Variants in PPP2R5A observed in about 807,000 individuals in gnomAD.
PPP2R5A encodes the protein serine/threonine-protein phosphatase 2A 56 kDa regulatory subunit alpha isoform.
A neutral mutation model predicts 64.2 loss-of-function variants in PPP2R5A; 25 were observed. That is an observed-to-expected ratio of 0.39 (90% CI 0.28 to 0.54). The LOEUF is 0.54. Among genes scored for constraint, PPP2R5A ranks in the 20% least tolerant of loss-of-function variants. The pLI, the probability that PPP2R5A is intolerant of heterozygous loss-of-function variation, is 0.67. For missense variants in PPP2R5A, 425 were observed against 576.3 expected (o/e 0.74, Z 2.69); for synonymous variants, 198 against 201.2 (o/e 0.98, Z 0.13).
chr1:212,347,428 T>C, intron 6 of PPP2R5A, 22 bp downstream of exon 6: 1 of 1,523,158 alleles, frequency 6.6e-7, no homozygotes, highest in Non-Finnish European at 9.0e-7. Flanking sequence ...TTTTTTGTTC[T>C]TTTTAAGAAT....
In PPP2R5A at chr1:212,297,140, GA is replaced by G; in HGVS notation, c.181+10850del. Reference sequence around the variant, plus strand: ...TTTTTTTTTTTTTTTTTTTTTTTTGGAGACGGAGTCTCACTCTATCGCCCAG... The same window carrying G: ...TTTTTTTTTTTTTTTTTTTTTTTTGGGACGGAGTCTCACTCTATCGCCCAG... On this transcript the variant is annotated intron_variant, in intron 1 of 12. Coordinates refer to ENST00000261461, the MANE Select transcript of PPP2R5A (RefSeq NM_006243.4). Among the ~76,000 whole-genome samples the G allele has an allele frequency of 2.4e-4, 2 of 8,308 alleles. 1 individual carries two copies. Among genetic ancestry groups the G allele is most frequent in the African/African-American group, 1.2e-3 (2 of 1,664 alleles). The allele number at this position is 8,308 out of a possible 152,430, so 5.5% of individuals were successfully genotyped here.
intron 1 of PPP2R5A, chr1:212,301,800 G>A (rs1658803429): frequency 8.9e-7 from 1 of 1,124,950 alleles, no homozygotes; most frequent in South Asian, 3.2e-5. Flanking sequence ...GTATTGCTGG[G>A]TTGCTATGAT....
At position 212,348,380 on chromosome 1, in the gene PPP2R5A, T is replaced by C. The variant is rs1558153733; in HGVS notation, c.765-9T>C. ...ACTTAACCCTTCCCCTGCCTTTTTT[T>C]CCCTCCAGTATTATCAATGGCTTTG... On this transcript the variant is annotated splice_polypyrimidine_tract_variant and intron_variant, in intron 6 of 12. Coordinates refer to ENST00000261461, the MANE Select transcript of PPP2R5A (RefSeq NM_006243.4). The C allele has an allele frequency of 6.4e-7, 1 of 1,570,238 alleles. No individual in the cohort carries two copies. Among genetic ancestry groups the C allele is most frequent in the Admixed American group, 1.7e-5 (1 of 59,810 alleles).
At position 212,321,088 on chromosome 1, in the gene PPP2R5A, G is replaced by A. The variant is rs556502213; in HGVS notation, c.182-8047G>A. 6.6e-3 allele frequency among the ~76,000 whole-genome samples: 779 copies of A among 117,228 alleles called. 8 individuals carry two copies. Among genetic ancestry groups the A allele is most frequent in the East Asian group, 0.019 (62 of 3,342 alleles). The allele number at this position is 117,228 out of a possible 152,430, so 76.9% of individuals were successfully genotyped here. On this transcript the variant is annotated intron_variant, in intron 1 of 12. Transcript: ENST00000261461. ...GGGCTGACCCCCCCGCCTCCCTCCC[G>A]GACGGGGCGGCTGGCCGGGCAGAGG...
At chr1:212,286,393 G>A (rs1658500740) in intron 1 of PPP2R5A, 102 bp downstream of exon 1, 2 of 1,286,768 alleles carry the variant, frequency 1.6e-6, no homozygotes, top group Non-Finnish European at 1.0e-6. Flanking sequence ...CTGCTCAGTT[G>A]GGACTGGTAG....
At chr1:212,350,508 G>A (rs139907804) in intron 8 of PPP2R5A, among the ~76,000 whole-genome samples, 1,620 of 152,110 alleles carry the variant, frequency 0.011, 17 homozygotes, top group South Asian at 0.036. Context: ...ACAAAAATTA[G>A]CTGGGCATGG....
rs964191628 is a variant in PPP2R5A at position 212,301,768 on chromosome 1, T to C, written c.181+15477T>C. Reference sequence around the variant, plus strand: ...TCTTAAATTAGAATCTTGGATTGCATCCTCAGCGTGTCACTGTAGTGGTAT... The same window carrying C: ...TCTTAAATTAGAATCTTGGATTGCACCCTCAGCGTGTCACTGTAGTGGTAT... On this transcript the variant is annotated intron_variant, in intron 1 of 12. Coordinates refer to ENST00000261461, the MANE Select transcript of PPP2R5A (RefSeq NM_006243.4). 1.6e-5 allele frequency: 17 copies of C among 1,041,132 alleles called. No homozygotes were observed. The African/African-American group carries it at 2.5e-4, about 15-fold the overall frequency. 64.5% of individuals were successfully genotyped at this position (1,041,132 alleles called of 1,614,324 possible).
At chr1:212,345,692 G>A (rs1659764816) in intron 4 of PPP2R5A, 111 bp from the exon 5 acceptor site, 1 of 1,104,164 alleles carries the variant, frequency 9.1e-7, no homozygotes, top group African/African-American at 1.6e-5. Context: ...TGGTAAGGAA[G>A]AACTCTAAAA....
chr1:212,328,410 C>T (rs1402071502), intron 1 of PPP2R5A, among the ~76,000 whole-genome samples: 1 of 152,048 alleles, frequency 6.6e-6, no homozygotes, highest in African/African-American at 2.4e-5. Flanking sequence ...AAGGGCATTC[C>T]AGACAGAGGA....
rs1220486887 is a variant in PPP2R5A, at chr1:212,361,015, G to C, written c.*245G>C. ...CTTCTGAAGTTTCACAGAAATGAAT[G>C]AATTTTATCATCTATGATATGAGTG... On this transcript the variant is annotated 3_prime_UTR_variant, in exon 13 of 13. Transcript: ENST00000261461. The C allele has an allele frequency of 7.1e-6, 2 of 281,172 alleles. No individual in the cohort carries two copies. The highest frequency in any genetic ancestry group is 1.3e-5 in the Non-Finnish European group (2 of 150,970). The allele number at this position is 281,172 out of a possible 1,614,324, so 17.4% of individuals were successfully genotyped here.
At chr1:212,355,956 T>C (rs1659969533) in intron 8 of PPP2R5A, among the ~76,000 whole-genome samples, 1 of 151,846 alleles carries the variant, frequency 6.6e-6, no homozygotes, top group African/African-American at 2.4e-5. Context: ...TCCCAGCTAC[T>C]CGAGAGGCTG....
At chr1:212,319,456 A>G (rs1023827271) in intron 1 of PPP2R5A, 3 of 152,244 alleles carry the variant, frequency 2.0e-5, no homozygotes, top group South Asian at 2.1e-4. Flanking sequence ...GCAAATGGAT[A>G]ATCAACATCA....
chr1:212,345,803 C>T lies in PPP2R5A; in HGVS notation c.574C>T (p.Leu192Phe). 1.3e-6 allele frequency: 2 copies of T among 1,593,490 alleles called. No individual in the cohort carries two copies. The highest frequency in any genetic ancestry group is 8.5e-7 in the Non-Finnish European group (1 of 1,174,760). The change falls in exon 5 of 13, where the codon CTC becomes TTC. Residue 192 changes from leucine to phenylalanine, a missense_variant and splice_region_variant. This residue lies in a region of PPP2R5A where 140 missense variants were observed against 204.4 expected (regional missense o/e 0.68). Coordinates refer to ENST00000261461, the MANE Select transcript of PPP2R5A (RefSeq NM_006243.4). ...GTAATTTCTCAGGTTTCTTTTAAAG[C>T]TCCTGGAGCTTTTTGATAGTGAAGA... The part of the protein sequence containing the change: ...RYIDQKFVQQ[L>F]LELFDSEDPR...
intron 1 of PPP2R5A, among the ~76,000 whole-genome samples, chr1:212,286,634 C>G (rs1658509562): frequency 6.6e-6 from 1 of 152,174 alleles, no homozygotes; most frequent in South Asian, 2.1e-4. Flanking sequence ...TGCCCTTTCC[C>G]GGTCTTGCTT....
chr1:212,310,278 C>T (rs1659004238), intron 1 of PPP2R5A, among the ~76,000 whole-genome samples: 2 of 150,472 alleles, frequency 1.3e-5, no homozygotes, highest in African/African-American at 4.8e-5. Context: ...ATCAGGAGGG[C>T]TCCACACTGC....
chr1:212,325,206 TA>T (rs1315715446), intron 1 of PPP2R5A, among the ~76,000 whole-genome samples: 1 of 152,178 alleles, frequency 6.6e-6, no homozygotes, highest in East Asian at 1.9e-4. Context: ...GGCCTAAAGA[TA>T]ATGGGTACTC....
At chr1:212,338,136 A>G (rs779091278) in intron 3 of PPP2R5A, among the ~76,000 whole-genome samples, 6 of 152,124 alleles carry the variant, frequency 3.9e-5, no homozygotes, top group Non-Finnish European at 7.4e-5. Context: ...TACTTTAATC[A>G]TCTATGCTGT....
chr1:212,321,631 G>A (rs969261676), intron 1 of PPP2R5A, among the ~76,000 whole-genome samples: 2 of 141,000 alleles, frequency 1.4e-5, no homozygotes, highest in Non-Finnish European at 3.0e-5. Context: ...CAGACGATGG[G>A]CGGCCTGGCA....
chr1:212,349,645 G>A (rs1302033448), intron 8 of PPP2R5A, among the ~76,000 whole-genome samples: 2 of 151,952 alleles, frequency 1.3e-5, no homozygotes, highest in Non-Finnish European at 2.9e-5. Flanking sequence ...TAGAATTTTT[G>A]CCACTCATTA....
Sources: gnomAD v4.1 joint callset for allele counts (sites outside exome capture counted in the v4.1 genomes callset) on GRCh38, gnomAD v4.1.1 for gene constraint, gnomAD v4.1.1 regional missense constraint, MANE v1.5 for transcripts, NCBI Gene and HGNC (gene_info 2026-07-23, HGNC 2026-07-21) for gene names.